Variants in PRDM5 observed in about 807,000 individuals in gnomAD.
PRDM5 encodes PR/SET domain 5, also known as PR domain zinc finger protein 5.
A neutral mutation model predicts 81.2 loss-of-function variants in PRDM5; 56 were observed. The observed-to-expected ratio is 0.69, with a 90% confidence interval of 0.56 to 0.86. The LOEUF is 0.86. PRDM5 is among the 40% of genes least tolerant of loss of function. The pLI is 0.00. For synonymous variants in PRDM5, 267 were observed against 256.4 expected (o/e 1.04, Z -0.39); for missense variants, 697 against 770.1 (o/e 0.91, Z 1.12).
chr4:120,859,910 TGC>T (rs1760374227), intron 2 of PRDM5, among the ~76,000 whole-genome samples: 1 of 152,154 alleles, frequency 6.6e-6, no homozygotes, highest in Non-Finnish European at 1.5e-5. Flanking sequence ...TCCTCATGGG[TGC>T]ACACAAACTT....
intron 2 of PRDM5, among the ~76,000 whole-genome samples, chr4:120,870,838 T>A (rs1479496994): frequency 6.6e-6 from 1 of 152,168 alleles, no homozygotes; most frequent in Non-Finnish European, 1.5e-5. Flanking sequence ...AGATTCCTCC[T>A]AAGAAGGAGA....
intron 2 of PRDM5, among the ~76,000 whole-genome samples, chr4:120,871,119 T>A (rs1197141875): frequency 6.6e-6 from 1 of 152,196 alleles, no homozygotes; most frequent in African/African-American, 2.4e-5. Flanking sequence ...GTTTCACAGT[T>A]GTACCCTTCT....
chr4:120,854,908 T>G (rs1181961888), intron 2 of PRDM5, among the ~76,000 whole-genome samples: 1 of 151,734 alleles, frequency 6.6e-6, no homozygotes, highest in Non-Finnish European at 1.5e-5. Context: ...GGCCTTCGGT[T>G]TGGAAATGAA....
At chr4:120,878,740 C>T (rs559862011) in intron 2 of PRDM5, among the ~76,000 whole-genome samples, 2 of 152,068 alleles carry the variant, frequency 1.3e-5, no homozygotes, top group South Asian at 4.2e-4. Context: ...CTAAACAAAC[C>T]CTTGGCCAAA....
chr4:120,748,081 G>T (rs960734911), intron 14 of PRDM5, among the ~76,000 whole-genome samples: 1 of 152,194 alleles, frequency 6.6e-6, no homozygotes, highest in Non-Finnish European at 1.5e-5. Flanking sequence ...TGTGTCTAAT[G>T]CAATAAAAAC....
chr4:120,858,253 A>T (rs1760107037), intron 2 of PRDM5, among the ~76,000 whole-genome samples: 1 of 152,212 alleles, frequency 6.6e-6, no homozygotes, highest in African/African-American at 2.4e-5. Context: ...TTGTATTTAA[A>T]TTACAGGCAT....
intron 14 of PRDM5, among the ~76,000 whole-genome samples, chr4:120,716,508 G>C (rs1737767763): frequency 6.6e-6 from 1 of 152,138 alleles, no homozygotes. Flanking sequence ...TGTTAGTCTG[G>C]CAAGAAAGGC....
chr4:120,892,652 G>A (rs1181361497), intron 2 of PRDM5, among the ~76,000 whole-genome samples: 2 of 152,184 alleles, frequency 1.3e-5, no homozygotes, highest in Non-Finnish European at 2.9e-5. Flanking sequence ...CACTGGGCCG[G>A]AAGTTCTAAT....
chr4:120,845,304 AGAG>A (rs1288713585), intron 3 of PRDM5, among the ~76,000 whole-genome samples: 4 of 152,224 alleles, frequency 2.6e-5, no homozygotes, highest in Admixed American at 6.5e-5. Context: ...TCATGGCGAG[AGAG>A]GAGAAGTGAC....
At chr4:120,720,337 G>T (rs1363661069) in intron 14 of PRDM5, among the ~76,000 whole-genome samples, 1 of 152,160 alleles carries the variant, frequency 6.6e-6, no homozygotes, top group Non-Finnish European at 1.5e-5. Flanking sequence ...GTGATTTTCG[G>T]AGTCCTCCAC....
At chr4:120,771,225 C>T (rs1034893765) in intron 13 of PRDM5, among the ~76,000 whole-genome samples, 1 of 152,092 alleles carries the variant, frequency 6.6e-6, no homozygotes, top group Non-Finnish European at 1.5e-5. Context: ...TTGCCCGCAA[C>T]CTCTCTTCAG....
chr4:120,868,626 T>C (rs528080335), intron 2 of PRDM5, among the ~76,000 whole-genome samples: 20 of 152,260 alleles, frequency 1.3e-4, no homozygotes, highest in African/African-American at 4.8e-4. Flanking sequence ...CAAGGAAAAG[T>C]GCAATGCCAC....
At chr4:120,769,164 A>G (rs1746858666) in intron 13 of PRDM5, among the ~76,000 whole-genome samples, 1 of 152,208 alleles carries the variant, frequency 6.6e-6, no homozygotes, top group African/African-American at 2.4e-5. Flanking sequence ...AATGCAACCC[A>G]CTTGTAAGTT....
intron 1 of PRDM5, among the ~76,000 whole-genome samples, chr4:120,909,562 T>C (rs188310301): frequency 2.0e-5 from 3 of 152,280 alleles, no homozygotes; most frequent in African/African-American, 7.2e-5. Flanking sequence ...AGTACACACT[T>C]TCCAAAGTAA....
At chr4:120,840,355 G>A (rs1017060975) in intron 3 of PRDM5, among the ~76,000 whole-genome samples, 10 of 152,232 alleles carry the variant, frequency 6.6e-5, no homozygotes, top group African/African-American at 9.6e-5. Flanking sequence ...AGTGGATCAC[G>A]GGCCCCAGGC....
rs36062004 is a variant in PRDM5 at position 120,818,256 on chromosome 4, G to GCACA, written c.650+93_650+96dup. On this transcript the variant is annotated intron_variant, in intron 5 of 15. Coordinates refer to ENST00000264808, the MANE Select transcript of PRDM5 (RefSeq NM_018699.4). Reference sequence around the variant, plus strand: ...ACACAAAACATGCGCGTGCGCGCGTGCACACACACACACACAGGTTAAAAA... The same window carrying GCACA: ...ACACAAAACATGCGCGTGCGCGCGTGCACACACACACACACACACAGGTTAAAAA... 617 of 1,197,944 alleles carry GCACA rather than the reference G, an allele frequency of 5.2e-4. 1 individual carries two copies. The highest frequency in any genetic ancestry group is 8.0e-4 in the Middle Eastern group (3 of 3,730). 74.2% of individuals were successfully genotyped at this position (1,197,944 alleles called of 1,614,324 possible). A position where few individuals can be genotyped will look rare whatever the true frequency, so the allele number is the denominator to read the frequency against.
intron 8 of PRDM5, among the ~76,000 whole-genome samples, chr4:120,808,729 G>A (rs1753374805): frequency 6.6e-6 from 1 of 152,176 alleles, no homozygotes; most frequent in Admixed American, 6.5e-5. Flanking sequence ...CAGGCACGGT[G>A]GGCTGCAGGT....
intron 14 of PRDM5, among the ~76,000 whole-genome samples, chr4:120,743,673 C>G (rs9685604): frequency 0.99 from 72,988 of 74,084 alleles, 36,129 homozygotes; most frequent in Middle Eastern, 1. Flanking sequence ...AAGATCAAAA[C>G]AGACAAAGAA....
At chr4:120,883,713 C>A (rs1166674490) in intron 2 of PRDM5, among the ~76,000 whole-genome samples, 1 of 151,710 alleles carries the variant, frequency 6.6e-6, no homozygotes, top group Non-Finnish European at 1.5e-5. Context: ...CACATGTACC[C>A]TAGAACTTAA....
Sources: allele counts gnomAD v4.1 joint callset (sites outside exome capture counted in the v4.1 genomes callset), GRCh38; gene constraint gnomAD v4.1.1; transcripts MANE v1.5; gene names NCBI Gene and HGNC (gene_info 2026-07-23, HGNC 2026-07-21).